The following PRDM4 variants were observed in gnomAD, a reference collection of about 807,000 sequenced individuals.
PRDM4 encodes the protein PR/SET domain 4, also known as PR domain zinc finger protein 4.
A neutral mutation model predicts 62.3 loss-of-function variants in PRDM4; 38 were observed. The ratio of observed to expected loss-of-function variants is 0.61; its 90% CI spans 0.47 to 0.80. The LOEUF is 0.80. PRDM4 is among the 30% of genes least tolerant of loss of function. The pLI, the probability that PRDM4 is intolerant of heterozygous loss-of-function variation, is 0.00. For missense variants in PRDM4, 858 were observed against 997.1 expected (o/e 0.86, Z 1.88); for synonymous variants, 339 against 348.2 (o/e 0.97, Z 0.30).
intron 3 of PRDM4, 78 bp downstream of exon 3, chr12:107,756,754 C>T: frequency 6.5e-7 from 1 of 1,534,606 alleles, no homozygotes; most frequent in Non-Finnish European, 8.9e-7. Context: ...TAAAGGGGCT[C>T]TGATCTCTTC....
chr12:107,738,874 GACAAACACACAC>G (rs1890421691), intron 11 of PRDM4, among the ~76,000 whole-genome samples: 1 of 88,382 alleles, frequency 1.1e-5, no homozygotes, highest in Non-Finnish European at 2.3e-5. Context: ...CTGCAATTCA[GACAAACACACAC>G]ACACACACAC....
In PRDM4 at chr12:107,752,028, G is replaced by A; in HGVS notation, c.513C>T (p.Asn171=). ...GIVSIDSRSV[N]THGAQSLHPS... ...GATGAAGACTTTGGGCACCATGTGT[G>A]TTCACAGAGCGAGAGTCTATTGAAA... Residue 171 remains asparagine (N), a synonymous_variant, in exon 5 of 12, where the codon AAC becomes AAT. Transcript: ENST00000228437. 3 of 1,614,174 alleles carry A rather than the reference G, an allele frequency of 1.9e-6. No homozygotes were observed. Among genetic ancestry groups the A allele is most frequent in the Non-Finnish European group, 2.5e-6 (3 of 1,179,988 alleles).
chr12:107,750,516 C>G (rs1025021919), intron 5 of PRDM4, among the ~76,000 whole-genome samples: 2 of 152,156 alleles, frequency 1.3e-5, no homozygotes, highest in Admixed American at 6.5e-5. Context: ...TGCACCCTAG[C>G]CTGGGCGACA....
intron 11 of PRDM4, 65 bp downstream of exon 11, chr12:107,739,318 G>A: frequency 6.5e-7 from 1 of 1,543,572 alleles, no homozygotes; most frequent in South Asian, 1.2e-5. Flanking sequence ...CAATCAGCAG[G>A]TGGGCTGCAG....
At position 107,751,447 on chromosome 12, in the gene PRDM4, TTTGAA is replaced by T. The variant is rs1890890587; in HGVS notation, c.1089_1093del (p.Asn363LysfsTer17). ...AAACAAGGTTGCCATGTTCTCCTTGTTTGAATTGGAGTCTTCCATTTGCAGTGAAG... is the reference window on the plus strand; with the variant it reads ...AAACAAGGTTGCCATGTTCTCCTTGTTTGGAGTCTTCCATTTGCAGTGAAG... On this transcript the variant is annotated frameshift_variant, in exon 5 of 12. Coordinates refer to ENST00000228437, the MANE Select transcript of PRDM4 (RefSeq NM_012406.4). LOFTEE classifies it high-confidence loss of function. 1 of 1,608,588 alleles carries T rather than the reference TTTGAA, an allele frequency of 6.2e-7. No individual in the cohort carries two copies. The highest frequency in any genetic ancestry group is 1.7e-5 in the Admixed American group (1 of 59,930).
Position 107,751,477 on chromosome 12 carries a change from G to C in PRDM4, c.1064C>G (p.Pro355Arg). The C allele has an allele frequency of 1.2e-6, 2 of 1,614,000 alleles. No homozygotes were observed. Among genetic ancestry groups the C allele is most frequent in the South Asian group, 2.2e-5 (2 of 91,080 alleles). Residue 355 changes from proline (P) to arginine (R), a missense_variant, in exon 5 of 12, where the codon CCT (proline) becomes CGT (arginine). By Grantham distance (103) the Pro-to-Arg change is moderately radical. This residue lies in a region of PRDM4 where 499 missense variants were observed against 546.7 expected (regional missense o/e 0.91). Coordinates refer to ENST00000228437, the MANE Select transcript of PRDM4 (RefSeq NM_012406.4). ...ATTGGAGTCTTCCATTTGCAGTGAA[G>C]GTGATACAAAAGAAAGACTGTCTGA... ...VSSDSLSFVSPSLQMEDSNSN... is the reference protein window; with the variant it reads ...VSSDSLSFVSRSLQMEDSNSN...
chr12:107,749,264 T>C (rs1320917061), intron 5 of PRDM4, among the ~76,000 whole-genome samples: 1 of 152,212 alleles, frequency 6.6e-6, no homozygotes, highest in Non-Finnish European at 1.5e-5. Flanking sequence ...ACATCTCTAC[T>C]GGGTGTCTTA....
Position 107,733,417 on chromosome 12 carries a change from C to T in PRDM4, c.*793G>A, listed in dbSNP as rs1210489289. On this transcript the variant is annotated 3_prime_UTR_variant, in exon 12 of 12. Transcript: ENST00000228437. ...TTTGGGCTCTCTGTATCTCCAGGCC[C>T]CCTTTGTCTGAATGGCTGGATGTTT... The T allele has an allele frequency of 6.6e-6, 1 of 152,238 alleles. No individual in the cohort carries two copies. The highest frequency in any genetic ancestry group is 2.4e-5 in the African/African-American group (1 of 41,448). 9.4% of individuals were successfully genotyped at this position (152,238 alleles called of 1,614,324 possible).
intron 8 of PRDM4, 79 bp downstream of exon 8, chr12:107,743,118 C>G (rs896721159): frequency 1.3e-6 from 1 of 759,902 alleles, no homozygotes; most frequent in Non-Finnish European, 1.9e-6. Flanking sequence ...ATTCTTAACT[C>G]TTTCTTCTTT....
intron 7 of PRDM4, among the ~76,000 whole-genome samples, chr12:107,743,807 C>A (rs949372751): frequency 3.9e-5 from 6 of 152,172 alleles, no homozygotes; most frequent in African/African-American, 1.4e-4. Flanking sequence ...GTATTTCTAA[C>A]CCCTCATTAG....
At chr12:107,739,809 G>T in intron 10 of PRDM4, 1 of 251,656 alleles carries the variant, frequency 4.0e-6, no homozygotes, top group Non-Finnish European at 7.5e-6. Context: ...AAATGTATAG[G>T]TGATACATAA....
chr12:107,750,927 C>T (rs987649929), intron 5 of PRDM4, among the ~76,000 whole-genome samples: 2 of 152,090 alleles, frequency 1.3e-5, no homozygotes, highest in Admixed American at 6.6e-5. Context: ...ACTTTGTTGC[C>T]CAGGCCGGAG....
chr12:107,747,257 T>C (rs1381330086), intron 5 of PRDM4, among the ~76,000 whole-genome samples: 1 of 152,076 alleles, frequency 6.6e-6, no homozygotes, highest in Non-Finnish European at 1.5e-5. Flanking sequence ...AATTCTGAAC[T>C]GTAAGAGGAA....
rs1175031899 is a variant in PRDM4, at chr12:107,733,818, A to T, written c.*392T>A. 1 of 208,244 alleles carries T rather than the reference A, an allele frequency of 4.8e-6. No homozygotes were observed. The allele number at this position is 208,244 out of a possible 1,614,324, so 12.9% of individuals were successfully genotyped here. A position where few individuals can be genotyped will look rare whatever the true frequency, so the allele number is the denominator to read the frequency against. ...CAATCAGGATGGCTATGGGGCAAGGACCGTTTAGAATGTTACCAAGTCACA... is the reference window on the plus strand; with the variant it reads ...CAATCAGGATGGCTATGGGGCAAGGTCCGTTTAGAATGTTACCAAGTCACA... On this transcript the variant is annotated 3_prime_UTR_variant, in exon 12 of 12. Coordinates refer to ENST00000228437, the MANE Select transcript of PRDM4 (RefSeq NM_012406.4).
At chr12:107,753,203 C>T (rs1159097309) in intron 4 of PRDM4, among the ~76,000 whole-genome samples, 1 of 152,066 alleles carries the variant, frequency 6.6e-6, no homozygotes, top group East Asian at 1.9e-4. Flanking sequence ...AAAACCCCAT[C>T]TCTTTTTTTA....
chr12:107,736,817 T>C (rs1890346510), intron 11 of PRDM4: 1 of 152,162 alleles, frequency 6.6e-6, no homozygotes, highest in African/African-American at 2.4e-5. Flanking sequence ...GACAAGGTGT[T>C]AGTTGAATGA....
intron 9 of PRDM4, among the ~76,000 whole-genome samples, chr12:107,741,994 T>A (rs553478259): frequency 6.6e-6 from 1 of 152,218 alleles, no homozygotes; most frequent in South Asian, 2.1e-4. Context: ...CAAACCAAAG[T>A]CCTACCATAA....
intron 10 of PRDM4, 134 bp from the exon 11 acceptor site, chr12:107,739,685 T>C (rs1320725501): frequency 2.3e-6 from 2 of 872,900 alleles, no homozygotes; most frequent in Non-Finnish European, 3.4e-6. Context: ...TTTTACTTTC[T>C]AGGGTTGTCT....
chr12:107,746,020 T>A (rs950385317), intron 6 of PRDM4, among the ~76,000 whole-genome samples: 1 of 152,214 alleles, frequency 6.6e-6, no homozygotes, highest in Non-Finnish European at 1.5e-5. Context: ...AGTTAAATCT[T>A]CAAAGACTCA....
Sources: allele counts gnomAD v4.1 joint callset (sites outside exome capture counted in the v4.1 genomes callset), GRCh38; gene constraint gnomAD v4.1.1; regional missense constraint gnomAD v4.1.1; transcripts MANE v1.5; gene names NCBI Gene and HGNC (gene_info 2026-07-23, HGNC 2026-07-21).